Variants in CNOT2 observed in about 807,000 individuals in gnomAD.
CNOT2 encodes CC chemokine receptor 4-negative regulator of transcription 2.
CNOT2 carries 7 observed loss-of-function variants against 72.1 expected under a neutral mutation model. The ratio of observed to expected loss-of-function variants is 0.10; its 90% CI spans 0.06 to 0.18. The LOEUF is 0.18. Ranked by LOEUF, CNOT2 falls within the 10% of genes least tolerant of loss-of-function variation. CNOT2 has a pLI of 1.00. For missense variants in CNOT2, 345 were observed against 660.3 expected (o/e 0.52, Z 5.23); for synonymous variants, 196 against 225.6 (o/e 0.87, Z 1.17).
intron 6 of CNOT2, chr12:70,331,209 A>G (rs972130813): frequency 1.3e-5 from 2 of 151,960 alleles, no homozygotes; most frequent in Admixed American, 6.6e-5. Context: ...TCTAGTTGTT[A>G]TCATCATACC....
chr12:70,320,231 A>G (rs1487107924), intron 4 of CNOT2, among the ~76,000 whole-genome samples: 1 of 151,832 alleles, frequency 6.6e-6, no homozygotes, highest in East Asian at 1.9e-4. Context: ...TCTGATGACT[A>G]TCCTAACCAG....
intron 9 of CNOT2, chr12:70,338,079 A>G (rs1484011384): frequency 4.6e-6 from 1 of 215,224 alleles, no homozygotes; most frequent in African/African-American, 2.4e-5. Flanking sequence ...ATTTTAGGTA[A>G]TATACTATAT....
intron 4 of CNOT2, among the ~76,000 whole-genome samples, chr12:70,324,685 T>G (rs1184181469): frequency 6.6e-6 from 1 of 151,856 alleles, no homozygotes; most frequent in Non-Finnish European, 1.5e-5. Flanking sequence ...CTCAGCTGAT[T>G]CGAGCACAGC....
At chr12:70,255,940 AT>A (rs765828658) in intron 1 of CNOT2, among the ~76,000 whole-genome samples, 4 of 152,206 alleles carry the variant, frequency 2.6e-5, no homozygotes, top group Non-Finnish European at 5.9e-5. Context: ...AATAGTTTAA[AT>A]AATGATTGTC....
rs1174098146 is a variant in CNOT2 at position 70,346,339 on chromosome 12, A to G, written c.1536+15A>G. 1.3e-6 allele frequency: 2 copies of G among 1,599,542 alleles called. No individual in the cohort carries two copies. The highest frequency in any genetic ancestry group is 1.3e-5 in the African/African-American group (1 of 74,588). On this transcript the variant is annotated intron_variant, in intron 15 of 15. Transcript: ENST00000229195. ...AAGTAGCTAAGGTATATTTCTTTCC[A>G]TGTGCAAATGTATAAATCTAAACTT...
intron 14 of CNOT2, chr12:70,345,427 G>A (rs1882041046): frequency 6.6e-6 from 1 of 151,974 alleles, no homozygotes; most frequent in Non-Finnish European, 1.5e-5. Context: ...ATACATTCAG[G>A]CACTCATTCA....
chr12:70,330,400 A>G lies in CNOT2; in HGVS notation c.500A>G (p.Asn167Ser), dbSNP rs200118542. The change falls in exon 6 of 16, where the codon AAC (asparagine) becomes AGC (serine). Residue 167 changes from asparagine to serine, a missense_variant. Asn to Ser is a conservative substitution (Grantham distance 46). This residue lies in a region of CNOT2 where 157 missense variants were observed against 235.3 expected (regional missense o/e 0.67). Coordinates refer to ENST00000229195, the MANE Select transcript of CNOT2 (RefSeq NM_014515.7). ...AGCAGTTCAGGGTTAGGTAGCCCCAACAGAAGCTCGCCAAGCATAATATGT... is the reference window on the plus strand; with the variant it reads ...AGCAGTTCAGGGTTAGGTAGCCCCAGCAGAAGCTCGCCAAGCATAATATGT... ...SMSSSGLGSP[N>S]RSSPSIICMP... is the part of the protein sequence containing the mutation. The G allele has an allele frequency of 5.6e-5, 90 of 1,612,570 alleles. No individual in the cohort carries two copies. Among genetic ancestry groups the G allele is most frequent in the Non-Finnish European group, 7.4e-5 (87 of 1,179,118 alleles).
rs1046515570 is a variant in CNOT2, at chr12:70,282,766, A to G, written c.48+4492A>G. On this transcript the variant is annotated intron_variant, in intron 2 of 15. Coordinates refer to ENST00000229195, the MANE Select transcript of CNOT2 (RefSeq NM_014515.7). ...TCTTTATATTTTTATAACTTATTAC[A>G]TATATGTTTTTCAGTATATTGAGGT... is the stretch of plus-strand genomic sequence containing the variant. Among the ~76,000 whole-genome samples the G allele has an allele frequency of 1.4e-4, 21 of 152,124 alleles. 1 individual carries two copies. Among genetic ancestry groups the G allele is most frequent in the Admixed American group, 7.2e-4 (11 of 15,274 alleles).
At chr12:70,347,330 G>T (rs1882302965) in intron 15 of CNOT2, among the ~76,000 whole-genome samples, 1 of 151,904 alleles carries the variant, frequency 6.6e-6, no homozygotes, top group Non-Finnish European at 1.5e-5. Context: ...TACATCCCAA[G>T]ATTTCATATA....
At chr12:70,251,873 A>G (rs1281265736) in intron 1 of CNOT2, among the ~76,000 whole-genome samples, 2 of 152,190 alleles carry the variant, frequency 1.3e-5, no homozygotes, top group African/African-American at 4.8e-5. Context: ...AAGTTTGAGT[A>G]TTATCATCTG....
At chr12:70,256,924 A>T (rs1958481177) in intron 1 of CNOT2, among the ~76,000 whole-genome samples, 1 of 152,218 alleles carries the variant, frequency 6.6e-6, no homozygotes, top group Non-Finnish European at 1.5e-5. Context: ...GTATTGAAAA[A>T]ACAAAACTGA....
intron 4 of CNOT2, among the ~76,000 whole-genome samples, chr12:70,324,846 T>TA (rs2136004092): frequency 6.6e-6 from 1 of 151,956 alleles, no homozygotes; most frequent in South Asian, 2.1e-4. Context: ...CAGACTGAAC[T>TA]ATTGTAACAT....
chr12:70,309,211 G>A, intron 2 of CNOT2, among the ~76,000 whole-genome samples: 1 of 152,116 alleles, frequency 6.6e-6, no homozygotes, highest in East Asian at 1.9e-4. Flanking sequence ...TTCACCAGGA[G>A]TCTGTTTCCC....
intron 15 of CNOT2, among the ~76,000 whole-genome samples, chr12:70,353,101 C>CTTGCT (rs928958589): frequency 1.4e-5 from 2 of 142,852 alleles, no homozygotes; most frequent in African/African-American, 5.2e-5. Flanking sequence ...TAGACGGAGT[C>CTTGCT]TTGCTTTGTC....
chr12:70,312,201 A>G (rs956229595), intron 3 of CNOT2, among the ~76,000 whole-genome samples: 2 of 152,030 alleles, frequency 1.3e-5, no homozygotes, highest in Admixed American at 6.5e-5. Context: ...GCTATGTGCT[A>G]TGTAACTTAT....
chr12:70,264,631 G>C (rs1958935578), intron 1 of CNOT2, among the ~76,000 whole-genome samples: 2 of 152,254 alleles, frequency 1.3e-5, no homozygotes, highest in South Asian at 4.2e-4. Flanking sequence ...AAGTGAGGGA[G>C]TTGAGTATAA....
At chr12:70,300,136 G>C (rs1873640647) in intron 2 of CNOT2, among the ~76,000 whole-genome samples, 1 of 152,186 alleles carries the variant, frequency 6.6e-6, no homozygotes, top group South Asian at 2.1e-4. Flanking sequence ...TGTCAGATGA[G>C]TAGATTGCAG....
At chr12:70,300,993 G>A (rs921505937) in intron 2 of CNOT2, among the ~76,000 whole-genome samples, 3 of 152,120 alleles carry the variant, frequency 2.0e-5, no homozygotes, top group African/African-American at 7.2e-5. Context: ...TTGTGAATGG[G>A]AGTTCTTTCA....
chr12:70,338,417 G>T (rs1294166254), intron 9 of CNOT2, 26 bp from the exon 10 acceptor site: 13 of 1,581,098 alleles, frequency 8.2e-6, no homozygotes, highest in Non-Finnish European at 1.1e-5. Context: ...AAATTTTAAT[G>T]TCACATTTAA....
Sources: gnomAD v4.1 joint callset for allele counts (sites outside exome capture counted in the v4.1 genomes callset) on GRCh38, gnomAD v4.1.1 for gene constraint, gnomAD v4.1.1 regional missense constraint, MANE v1.5 for transcripts, NCBI Gene and HGNC (gene_info 2026-07-23, HGNC 2026-07-21) for gene names.